The following CHRM3 variants were observed in gnomAD, a reference collection of about 807,000 sequenced individuals.
CHRM3 encodes the protein cholinergic receptor muscarinic 3.
In CHRM3, 11 loss-of-function variants were observed where a neutral mutation model predicts 41.8. That is an observed-to-expected ratio of 0.26 (90% CI 0.17 to 0.44). The LOEUF (loss-of-function observed/expected upper bound fraction) is 0.44, where lower values mean the gene tolerates loss of function less well. Ranked by LOEUF, CHRM3 falls within the 20% of genes least tolerant of loss-of-function variation. CHRM3 has a pLI of 1.00. For missense variants in CHRM3, 571 were observed against 745.4 expected (o/e 0.77, Z 2.72); for synonymous variants, 297 against 301.4 (o/e 0.99, Z 0.15).
chr1:239,741,545 A>G lies in CHRM3; in HGVS notation c.-147+63257A>G, dbSNP rs149444630. 4.4e-3 allele frequency among the ~76,000 whole-genome samples: 672 copies of G among 152,292 alleles called. 9 individuals are homozygous for G. Among genetic ancestry groups the G allele is most frequent in the African/African-American group, 0.016 (650 of 41,566 alleles). On this transcript the variant is annotated intron_variant, in intron 5 of 6. Transcript: ENST00000676153. ...CTATGTTCTCAGATGCCAAGGTGCC[A>G]TATGTTAGGGTAGACTGTCCTAAAC... is the stretch of plus-strand genomic sequence containing the variant.
intron 6 of CHRM3, among the ~76,000 whole-genome samples, chr1:239,839,437 T>C (rs1241237050): frequency 6.6e-6 from 1 of 152,114 alleles, no homozygotes; most frequent in Non-Finnish European, 1.5e-5. Flanking sequence ...CACTATGGGG[T>C]CTGTAAATGA....
chr1:239,826,312 T>G (rs1344642682), intron 5 of CHRM3, among the ~76,000 whole-genome samples: 1 of 152,208 alleles, frequency 6.6e-6, no homozygotes, highest in Non-Finnish European at 1.5e-5. Context: ...CATTTTGCGA[T>G]CTTATAGTTC....
chr1:239,684,675 A>G (rs1658905989), intron 5 of CHRM3, among the ~76,000 whole-genome samples: 1 of 150,452 alleles, frequency 6.6e-6, no homozygotes, highest in East Asian at 2.0e-4. Context: ...AGAAAGAAAA[A>G]AAGGAAGGAA....
chr1:239,855,348 T>G (rs1433216303), intron 6 of CHRM3, among the ~76,000 whole-genome samples: 2 of 152,218 alleles, frequency 1.3e-5, no homozygotes, highest in African/African-American at 4.8e-5. Flanking sequence ...TGAAATCCAT[T>G]CAGAATTTAC....
In CHRM3 at chr1:239,563,859, T is replaced by C. The variant is rs144044779; in HGVS notation, c.-313+18110T>C. On this transcript the variant is annotated intron_variant, in intron 3 of 6. Coordinates refer to ENST00000676153, the MANE Select transcript of CHRM3 (RefSeq NM_001375978.1). ...ATCACATGAAATAAGAGTTTTGGAG[T>C]AATTTACTATTCTAGGAAATCCAGC... is the stretch of plus-strand genomic sequence containing the variant. Among the ~76,000 whole-genome samples the C allele has an allele frequency of 3.4e-3, 525 of 152,218 alleles. 3 individuals are homozygous for C. Among genetic ancestry groups the C allele is most frequent in the African/African-American group, 0.012 (502 of 41,538 alleles).
intron 6 of CHRM3, among the ~76,000 whole-genome samples, chr1:239,863,845 A>G (rs1401402700): frequency 6.6e-6 from 1 of 152,200 alleles, no homozygotes; most frequent in East Asian, 1.9e-4. Flanking sequence ...TTTGGTTTTT[A>G]AAAAGGAATT....
intron 1 of CHRM3, among the ~76,000 whole-genome samples, chr1:239,423,119 T>A (rs1662086293): frequency 6.6e-6 from 1 of 152,182 alleles, no homozygotes; most frequent in African/African-American, 2.4e-5. Context: ...CTACAGCATG[T>A]CAGAAGCATG....
intron 6 of CHRM3, among the ~76,000 whole-genome samples, chr1:239,846,028 A>C (rs1674233876): frequency 6.6e-6 from 1 of 152,230 alleles, no homozygotes; most frequent in Non-Finnish European, 1.5e-5. Flanking sequence ...CAACTGTTGA[A>C]GAAGAAAATG....
intron 6 of CHRM3, among the ~76,000 whole-genome samples, chr1:239,889,512 T>C (rs577714137): frequency 7.9e-5 from 12 of 152,270 alleles, no homozygotes; most frequent in Admixed American, 7.8e-4. Context: ...AGCTTGCTTA[T>C]CTATGTTTGC....
intron 5 of CHRM3, among the ~76,000 whole-genome samples, chr1:239,717,184 C>G (rs1358212931): frequency 6.6e-6 from 1 of 151,952 alleles, no homozygotes; most frequent in Non-Finnish European, 1.5e-5. Context: ...AGATTGAGAT[C>G]CTGAATAAGG....
At chr1:239,708,590 A>C (rs1661420005) in intron 5 of CHRM3, among the ~76,000 whole-genome samples, 1 of 151,994 alleles carries the variant, frequency 6.6e-6, no homozygotes, top group Non-Finnish European at 1.5e-5. Flanking sequence ...TCTCCGCAGC[A>C]CCATTCACAA....
intron 5 of CHRM3, among the ~76,000 whole-genome samples, chr1:239,683,545 T>A (rs1423033680): frequency 6.6e-6 from 1 of 152,222 alleles, no homozygotes; most frequent in Non-Finnish European, 1.5e-5. Flanking sequence ...AAGTCTTTTT[T>A]ACTTTTTTCT....
intron 5 of CHRM3, among the ~76,000 whole-genome samples, chr1:239,688,691 T>C (rs1287945931): frequency 1.5e-5 from 2 of 134,376 alleles, no homozygotes; most frequent in African/African-American, 5.6e-5. Context: ...TGCAATATAA[T>C]ATATAATATT....
chr1:239,570,202 G>C (rs1023932282), intron 3 of CHRM3, among the ~76,000 whole-genome samples: 6 of 152,074 alleles, frequency 3.9e-5, no homozygotes, highest in Non-Finnish European at 7.4e-5. Context: ...ATTATCATGA[G>C]ATCTGATGGT....
chr1:239,708,749 T>TTTC (rs1661457501), intron 5 of CHRM3, among the ~76,000 whole-genome samples: 1 of 141,112 alleles, frequency 7.1e-6, no homozygotes, highest in South Asian at 2.4e-4. Context: ...TTTTTTTTTT[T>TTTC]TTTTTTTTTT....
Position 239,491,046 on chromosome 1 carries a change from T to G in CHRM3, c.-520-1663T>G, listed in dbSNP as rs908454226. On this transcript the variant is annotated intron_variant, in intron 1 of 6. Coordinates refer to ENST00000676153, the MANE Select transcript of CHRM3 (RefSeq NM_001375978.1). ...TGAGCTGTGGCTCCTGACCCATTAT[T>G]ATTGTTTTTAATTCACACATCATAA... Among the ~76,000 whole-genome samples, 10 of 152,256 alleles carry G rather than the reference T, an allele frequency of 6.6e-5. No homozygotes were observed. In the South Asian group the frequency reaches 1.9e-3, roughly 28 times the overall value.
At chr1:239,399,911 T>A (rs1009112480) in intron 1 of CHRM3, among the ~76,000 whole-genome samples, 7 of 152,206 alleles carry the variant, frequency 4.6e-5, no homozygotes, top group Admixed American at 1.3e-4. Context: ...TTATTTATTT[T>A]TATTTTATTT....
At chr1:239,406,129 A>T (rs772080900) in intron 1 of CHRM3, among the ~76,000 whole-genome samples, 6 of 152,118 alleles carry the variant, frequency 3.9e-5, no homozygotes, top group Non-Finnish European at 8.8e-5. Flanking sequence ...TGACCTCATG[A>T]TCTACTCGCC....
intron 6 of CHRM3, among the ~76,000 whole-genome samples, chr1:239,894,422 T>TTTTA (rs1213440960): frequency 6.6e-6 from 1 of 152,034 alleles, no homozygotes; most frequent in Admixed American, 6.5e-5. Context: ...ATTTATTTTA[T>TTTTA]TTTATTTATT....
Sources: allele counts gnomAD v4.1 joint callset (sites outside exome capture counted in the v4.1 genomes callset), GRCh38; gene constraint gnomAD v4.1.1; transcripts MANE v1.5; gene names NCBI Gene and HGNC (gene_info 2026-07-23, HGNC 2026-07-21).